Variants in AVEN observed in about 807,000 individuals in gnomAD.
AVEN encodes apoptosis and caspase activation inhibitor.
AVEN carries 41 observed loss-of-function variants against 38.1 expected under a neutral mutation model. The observed-to-expected ratio is 1.08, with a 90% CI of 0.84 to 1.40. The LOEUF (loss-of-function observed/expected upper bound fraction) is 1.40, where lower values mean the gene tolerates loss of function less well. AVEN is among the 40% of genes most tolerant of loss of function. AVEN has a pLI of 0.00. For missense variants in AVEN, 605 were observed against 438.8 expected (o/e 1.38, Z -3.38); for synonymous variants, 206 against 171.8 (o/e 1.20, Z -1.56).
In AVEN at chr15:34,063,128, A is replaced by G; in HGVS notation, n.1431T>C. 6.2e-7 allele frequency: 1 copy of G among 1,614,124 alleles called. No homozygotes were observed. Among genetic ancestry groups the G allele is most frequent in the Non-Finnish European group, 8.5e-7 (1 of 1,180,018 alleles). On this transcript the variant is annotated non_coding_transcript_exon_variant, in exon 5 of 12. Coordinates refer to the AVEN transcript ENST00000675287. The surrounding 1 kb of genome is among the most constrained non-coding windows in gnomAD (Gnocchi z 4.1). ...ACTTTTCCATCACAAGACCCTTGAC[A>G]TATCGGGCCAAGCGTACTCCGAAAA... is the stretch of plus-strand genomic sequence containing the variant.
At position 34,063,022 on chromosome 15, in the gene AVEN, C is replaced by T. The variant is rs371168058; in HGVS notation, n.1537G>A. Reference sequence around the variant, plus strand: ...GGACGCTGGGCTCTCGGGAGTCTGGCTTGTGACCTTTGGCTTGCACTGGAC... The same window carrying T: ...GGACGCTGGGCTCTCGGGAGTCTGGTTTGTGACCTTTGGCTTGCACTGGAC... On this transcript the variant is annotated non_coding_transcript_exon_variant, in exon 5 of 12. Transcript: ENST00000675287. This position sits in a 1 kb window ranked among gnomAD's most constrained non-coding sequence, Gnocchi z 4.1. 8 of 1,614,252 alleles carry T rather than the reference C, an allele frequency of 5.0e-6. No homozygotes were observed. Among genetic ancestry groups the T allele is most frequent in the Non-Finnish European group, 6.8e-6 (8 of 1,180,036 alleles).
intron 1 of AVEN, chr15:34,006,982 G>C: frequency 2.7e-6 from 2 of 729,534 alleles, no homozygotes; most frequent in Non-Finnish European, 3.4e-6. Flanking sequence ...AAAGATAAAG[G>C]CATCATTTTC....
chr15:33,872,310 T>G (rs145137920), intron 3 of AVEN, among the ~76,000 whole-genome samples: 144 of 152,340 alleles, frequency 9.5e-4, no homozygotes, highest in Non-Finnish European at 1.3e-3. Context: ...GTGTCCAGTA[T>G]CTGTATAAAG....
At chr15:34,047,073 G>GTTTT (rs56218206) in intron 5 of AVEN, among the ~76,000 whole-genome samples, 17 of 145,180 alleles carry the variant, frequency 1.2e-4, no homozygotes, top group South Asian at 8.6e-4. Context: ...TTTTTTGTTG[G>GTTTT]TTTTTTTTTT....
At chr15:34,004,413 A>G (rs1022492100) in intron 1 of AVEN, among the ~76,000 whole-genome samples, 6 of 152,190 alleles carry the variant, frequency 3.9e-5, no homozygotes, top group African/African-American at 1.4e-4. Context: ...AAACCTATAA[A>G]CCAAAAGAGC....
chr15:33,943,668 AC>A (rs1206430363), intron 2 of AVEN, among the ~76,000 whole-genome samples: 1 of 152,014 alleles, frequency 6.6e-6, no homozygotes, highest in African/African-American at 2.4e-5. Flanking sequence ...AAACTAAAAT[AC>A]AAAAAATTAG....
intron 2 of AVEN, among the ~76,000 whole-genome samples, chr15:33,973,945 A>AG (rs2140503328): frequency 6.6e-6 from 1 of 152,354 alleles, no homozygotes; most frequent in Non-Finnish European, 1.5e-5. Flanking sequence ...CACTGATAAT[A>AG]GGCAAGTAGG....
chr15:33,908,670 C>T (rs1345746097), intron 2 of AVEN, among the ~76,000 whole-genome samples: 1 of 152,100 alleles, frequency 6.6e-6, no homozygotes, highest in African/African-American at 2.4e-5. Context: ...CGCATGTTTC[C>T]GAATTTCCTT....
intron 2 of AVEN, among the ~76,000 whole-genome samples, chr15:33,930,573 G>A (rs775044224): frequency 2.3e-4 from 35 of 152,160 alleles, no homozygotes; most frequent in South Asian, 1.0e-3. Context: ...ACTTTCTTAC[G>A]AAATCTAAAA....
chr15:34,020,127 T>C (rs146752607), intron 1 of AVEN, among the ~76,000 whole-genome samples: 3,280 of 152,058 alleles, frequency 0.022, 112 homozygotes, highest in African/African-American at 0.073. Context: ...TTGGCTAACA[T>C]GGTGAAACCC....
At chr15:34,051,093 A>C (rs1213472688) in intron 5 of AVEN, among the ~76,000 whole-genome samples, 1 of 152,202 alleles carries the variant, frequency 6.6e-6, no homozygotes, top group Non-Finnish European at 1.5e-5. Flanking sequence ...TGATTACATA[A>C]TCAGAAGTAA....
chr15:34,003,772 A>C (rs2140630514), intron 1 of AVEN, among the ~76,000 whole-genome samples: 1 of 152,322 alleles, frequency 6.6e-6, no homozygotes, highest in Non-Finnish European at 1.5e-5. Context: ...ATTTATACAT[A>C]AGATTCCATA....
At chr15:33,865,483 C>G (rs996837742), downstream of AVEN, 8 of 413,246 alleles carry the variant, frequency 1.9e-5, no homozygotes, top group African/African-American at 1.6e-4. Context: ...CAAATGCCTT[C>G]AAGTTTTCCA....
downstream of AVEN, among the ~76,000 whole-genome samples, chr15:33,862,397 G>A (rs144330439): frequency 7.9e-5 from 12 of 152,006 alleles, no homozygotes; most frequent in East Asian, 2.0e-3. Context: ...GGTAGAGAAG[G>A]GGCTTTGCTG....
chr15:34,001,210 C>T (rs943102969), intron 2 of AVEN, among the ~76,000 whole-genome samples: 16 of 151,864 alleles, frequency 1.1e-4, no homozygotes, highest in African/African-American at 3.9e-4. Flanking sequence ...TTAGTAGAAA[C>T]GGGGTTTCAC....
chr15:34,021,847 C>A (rs1284377341), intron 1 of AVEN, among the ~76,000 whole-genome samples: 2 of 152,006 alleles, frequency 1.3e-5, no homozygotes, highest in African/African-American at 4.8e-5. Flanking sequence ...CAGCGCAAGA[C>A]TCCATCTCAA....
At chr15:33,962,835 G>C (rs1393367273) in intron 2 of AVEN, among the ~76,000 whole-genome samples, 1 of 150,180 alleles carries the variant, frequency 6.7e-6, no homozygotes, top group East Asian at 2.0e-4. Flanking sequence ...CAGGAGAATG[G>C]TGTGAACCCA....
intron 2 of AVEN, among the ~76,000 whole-genome samples, chr15:33,879,563 A>C (rs1891396928): frequency 6.6e-6 from 1 of 152,190 alleles, no homozygotes; most frequent in Non-Finnish European, 1.5e-5. Context: ...AATAAAATAA[A>C]AAAAAGAAGA....
chr15:33,997,529 AC>A (rs1896984661), intron 2 of AVEN, among the ~76,000 whole-genome samples: 1 of 152,120 alleles, frequency 6.6e-6, no homozygotes, highest in South Asian at 2.1e-4. Flanking sequence ...GTCATCCGCA[AC>A]CCCCTGCCCC....
Sources: allele counts gnomAD v4.1 joint callset (sites outside exome capture counted in the v4.1 genomes callset), GRCh38; gene constraint gnomAD v4.1.1; non-coding constraint Gnocchi (gnomAD v3.1); transcripts MANE v1.5; gene names NCBI Gene and HGNC (gene_info 2026-07-23, HGNC 2026-07-21).